The following CDH22 variants were observed in gnomAD, a reference collection of about 807,000 sequenced individuals.
CDH22 encodes the protein cadherin-22.
CDH22 carries 30 observed loss-of-function variants against 58.4 expected under a neutral mutation model. The observed-to-expected ratio is 0.51, with a 90% confidence interval of 0.38 to 0.70. The LOEUF (loss-of-function observed/expected upper bound fraction) is 0.70, where lower values mean the gene tolerates loss of function less well. Ranked by LOEUF, CDH22 falls within the 30% of genes least tolerant of loss-of-function variation. The pLI, the probability that CDH22 is intolerant of heterozygous loss-of-function variation, is 0.00. For missense variants in CDH22, 1,014 were observed against 1,233.9 expected, an observed-to-expected ratio of 0.82 and a Z score of 2.67; for synonymous variants, 513 against 558.2, an observed-to-expected ratio of 0.92 and a Z score of 1.14.
In CDH22 at chr20:46,251,484, T is replaced by A. The variant is rs2145738457; in HGVS notation, c.-190A>T. The A allele has an allele frequency of 3.6e-6, 2 of 548,312 alleles. No homozygotes were observed. Among genetic ancestry groups the A allele is most frequent in the Non-Finnish European group, 5.5e-6 (2 of 366,344 alleles). 34.0% of individuals were successfully genotyped at this position (548,312 alleles called of 1,614,324 possible). ...CCGCCCAGCCGCGGGGGTACCCGGC[T>A]GGAGGGGGAGGGGGCGCGGCCGCAT... On this transcript the variant is annotated 5_prime_UTR_variant, in exon 2 of 12. Coordinates refer to ENST00000537909, the MANE Select transcript of CDH22 (RefSeq NM_021248.3). The surrounding 1 kb of genome is among the most constrained non-coding windows in gnomAD (Gnocchi z 6.7).
chr20:46,181,744 CTTCCTTCCTTCT>C (rs1269294719), intron 10 of CDH22, among the ~76,000 whole-genome samples: 1 of 30,748 alleles, frequency 3.3e-5, no homozygotes, highest in Non-Finnish European at 8.1e-5. Flanking sequence ...TCCTTCCTTC[CTTCCTTCCTTCT>C]TTCTTTCTTT....
chr20:46,176,224 A>AGTTCCAT (rs1344288397), intron 11 of CDH22, among the ~76,000 whole-genome samples: 4 of 152,196 alleles, frequency 2.6e-5, no homozygotes, highest in African/African-American at 4.8e-5. Flanking sequence ...CAGCTTTAAA[A>AGTTCCAT]GTTCCATTTA....
Position 46,284,205 on chromosome 20 carries a change from A to G in CDH22, c.-400+24050T>C, listed in dbSNP as rs139790546. 3.5e-3 allele frequency among the ~76,000 whole-genome samples: 525 copies of G among 151,348 alleles called. 8 individuals are homozygous for G. The highest frequency in any genetic ancestry group is 0.021 in the Admixed American group (319 of 15,132). On this transcript the variant is annotated intron_variant, in intron 1 of 11. Transcript: ENST00000537909. ...ACAGACCCAGATCTTCCTGGAGTGC[A>G]TGACAGGAAGGTGTGCCAGAGTCCC...
chr20:46,252,657 A>C (rs1159757905), intron 1 of CDH22, among the ~76,000 whole-genome samples: 3 of 152,242 alleles, frequency 2.0e-5, no homozygotes, highest in Admixed American at 1.3e-4. Flanking sequence ...TCCTGATCCC[A>C]GTTCAGCTCA....
chr20:46,200,446 T>A (rs1313458116), intron 7 of CDH22, among the ~76,000 whole-genome samples: 1 of 121,902 alleles, frequency 8.2e-6, no homozygotes, highest in African/African-American at 3.7e-5. Flanking sequence ...GCCCAGCTAA[T>A]TTTTTTTTTT....
intron 1 of CDH22, among the ~76,000 whole-genome samples, chr20:46,280,670 T>C (rs956753831): frequency 6.6e-6 from 1 of 152,226 alleles, no homozygotes; most frequent in Non-Finnish European, 1.5e-5. Flanking sequence ...ACCTTGGCTA[T>C]TGGACTCAGG....
At position 46,300,923 on chromosome 20, in the gene CDH22, T is replaced by C. The variant is rs927845906; in HGVS notation, c.-400+7332A>G. ...CAACAGTGGGGGCTGGTTAAATGAA[T>C]TATGGGCAGCCACACAATGGAGAAC... On this transcript the variant is annotated intron_variant, in intron 1 of 11. Transcript: ENST00000537909. This position sits in a 1 kb window ranked among gnomAD's most constrained non-coding sequence, Gnocchi z 4.4. Among the ~76,000 whole-genome samples the C allele has an allele frequency of 6.6e-6, 1 of 152,148 alleles. No homozygotes were observed. The highest frequency in any genetic ancestry group is 2.4e-5 in the African/African-American group (1 of 41,428).
intron 1 of CDH22, among the ~76,000 whole-genome samples, chr20:46,278,487 T>C (rs1455622556): frequency 6.6e-6 from 1 of 152,248 alleles, no homozygotes; most frequent in African/African-American, 2.4e-5. Flanking sequence ...AAACTCAGGA[T>C]GGGCCTTCTG....
At chr20:46,183,083 T>C (rs537287686) in intron 10 of CDH22, among the ~76,000 whole-genome samples, 12 of 152,002 alleles carry the variant, frequency 7.9e-5, no homozygotes, top group South Asian at 2.1e-4. Context: ...GAAAGCCTGG[T>C]GAACTTGGCA....
chr20:46,194,204 G>A (rs567269142), intron 8 of CDH22, among the ~76,000 whole-genome samples: 1 of 152,268 alleles, frequency 6.6e-6, no homozygotes, highest in East Asian at 1.9e-4. Flanking sequence ...CAGTGGCCAA[G>A]CCTCGTTCAT....
rs539925229 is a variant in CDH22, at chr20:46,261,304, A to G, written c.-399-9611T>C. ...CTGGTCCCTGGACAAATACTACTGG[A>G]CCCTATTATGCACAAAGTATCCTGG... On this transcript the variant is annotated intron_variant, in intron 1 of 11. Coordinates refer to ENST00000537909, the MANE Select transcript of CDH22 (RefSeq NM_021248.3). Among the ~76,000 whole-genome samples the G allele has an allele frequency of 3.3e-5, 5 of 152,266 alleles. No homozygotes were observed. The East Asian group carries it at 5.8e-4, about 18-fold the overall frequency.
chr20:46,186,976 G>T, intron 8 of CDH22, 29 bp from the exon 9 acceptor site: 1 of 1,541,050 alleles, frequency 6.5e-7, no homozygotes, highest in Non-Finnish European at 8.8e-7. Flanking sequence ...AGCAAGGGGA[G>T]AGGCATCAAG....
intron 1 of CDH22, among the ~76,000 whole-genome samples, chr20:46,273,918 C>T (rs2086504768): frequency 6.6e-6 from 1 of 152,212 alleles, no homozygotes; most frequent in African/African-American, 2.4e-5. Context: ...ATGCAGAAGC[C>T]AAGTTGGGCT....
intron 8 of CDH22, among the ~76,000 whole-genome samples, chr20:46,194,172 G>T (rs970871922): frequency 3.3e-5 from 5 of 152,056 alleles, no homozygotes; most frequent in Non-Finnish European, 5.9e-5. Flanking sequence ...GTCTCTCCCC[G>T]CCCACCCGTG....
intron 1 of CDH22, among the ~76,000 whole-genome samples, chr20:46,264,282 A>G (rs2086447858): frequency 6.6e-6 from 1 of 152,180 alleles, no homozygotes; most frequent in Non-Finnish European, 1.5e-5. Context: ...ATGTGTCCCA[A>G]GCTTTGTTCC....
intron 1 of CDH22, among the ~76,000 whole-genome samples, chr20:46,299,803 A>T (rs938193368): frequency 2.0e-5 from 3 of 152,214 alleles, no homozygotes; most frequent in Non-Finnish European, 4.4e-5. Context: ...TCACTCAGCT[A>T]GTAAGTGGCA....
rs11471209 is a variant in CDH22 at position 46,180,926 on chromosome 20, T to TTGTGTGTGTGTGTG, written c.1664-2743_1664-2730dup. Among the ~76,000 whole-genome samples, 55 of 142,592 alleles carry TTGTGTGTGTGTGTG rather than the reference T, an allele frequency of 3.9e-4. 1 individual carries two copies. The highest frequency in any genetic ancestry group is 1.3e-3 in the African/African-American group (50 of 37,912). 93.5% of individuals were successfully genotyped at this position (142,592 alleles called of 152,430 possible). On this transcript the variant is annotated intron_variant, in intron 10 of 11. Transcript: ENST00000537909. The stretch of plus-strand genomic sequence containing the variant: ...TTTTTTTTAATTTTTAAAGTTTGTT[T>TTGTGTGTGTGTGTG]TGTGTGTGTGTGTGTGTGTGTGTGT...
At position 46,210,084 on chromosome 20, in the gene CDH22, G is replaced by T. The variant is rs1600698026; in HGVS notation, c.1286+223C>A. ...GTTCTCTCCCTTATTGGCCTGGCTCGCCTGCCTGTCTCATTGACTGTTCTC... is the reference window on the plus strand; with the variant it reads ...GTTCTCTCCCTTATTGGCCTGGCTCTCCTGCCTGTCTCATTGACTGTTCTC... On this transcript the variant is annotated intron_variant, in intron 7 of 11. Coordinates refer to ENST00000537909, the MANE Select transcript of CDH22 (RefSeq NM_021248.3). This position sits in a 1 kb window ranked among gnomAD's most constrained non-coding sequence, Gnocchi z 4.5. 2 of 438,900 alleles carry T rather than the reference G, an allele frequency of 4.6e-6. No individual in the cohort carries two copies. The highest frequency in any genetic ancestry group is 3.7e-5 in the East Asian group (1 of 27,096). The allele number at this position is 438,900 out of a possible 1,614,324, so 27.2% of individuals were successfully genotyped here.
intron 1 of CDH22, among the ~76,000 whole-genome samples, chr20:46,281,291 A>T (rs2086549620): frequency 6.6e-6 from 1 of 152,200 alleles, no homozygotes; most frequent in Admixed American, 6.5e-5. Flanking sequence ...CAGGTGACAG[A>T]TGGGGCCCTG....
Sources: allele counts gnomAD v4.1 joint callset (sites outside exome capture counted in the v4.1 genomes callset), GRCh38; gene constraint gnomAD v4.1.1; non-coding constraint Gnocchi (gnomAD v3.1); transcripts MANE v1.5; gene names NCBI Gene and HGNC (gene_info 2026-07-23, HGNC 2026-07-21).